Variants in UBASH3B observed in about 807,000 individuals in gnomAD.
The protein encoded by UBASH3B is ubiquitin associated and SH3 domain containing B.
A neutral mutation model predicts 83.4 loss-of-function variants in UBASH3B; 37 were observed. The observed-to-expected ratio is 0.44, with a 90% CI of 0.34 to 0.58. UBASH3B has a LOEUF of 0.58. UBASH3B is among the 20% of genes least tolerant of loss of function. The pLI, the probability that UBASH3B is intolerant of heterozygous loss-of-function variation, is 0.01. For missense variants in UBASH3B, 657 were observed against 827.2 expected, an observed-to-expected ratio of 0.79 and a Z score of 2.52; for synonymous variants, 304 against 318.3, an observed-to-expected ratio of 0.96 and a Z score of 0.48.
intron 1 of UBASH3B, among the ~76,000 whole-genome samples, chr11:122,699,344 G>A (rs985486484): frequency 2.0e-5 from 3 of 152,162 alleles, no homozygotes; most frequent in Non-Finnish European, 2.9e-5. Context: ...TGGAGTCACC[G>A]AATTGAGTTT....
intron 2 of UBASH3B, among the ~76,000 whole-genome samples, chr11:122,776,736 A>T (rs1002836483): frequency 6.6e-6 from 1 of 152,114 alleles, no homozygotes; most frequent in African/African-American, 2.4e-5. Flanking sequence ...TTGGGAAAGG[A>T]TTTGGAGTTG....
At chr11:122,658,163 G>C (rs576706699) in intron 1 of UBASH3B, among the ~76,000 whole-genome samples, 127 of 143,106 alleles carry the variant, frequency 8.9e-4, no homozygotes, top group African/African-American at 3.0e-3. Context: ...GTTACAGAGC[G>C]AGACTTCATC....
intron 1 of UBASH3B, among the ~76,000 whole-genome samples, chr11:122,698,932 C>T (rs1863998071): frequency 6.6e-6 from 1 of 152,194 alleles, no homozygotes; most frequent in Non-Finnish European, 1.5e-5. Context: ...CTCGCTGCAA[C>T]ATCCACCTCC....
chr11:122,729,009 C>T (rs1190669763), intron 1 of UBASH3B, among the ~76,000 whole-genome samples: 1 of 152,206 alleles, frequency 6.6e-6, no homozygotes, highest in Non-Finnish European at 1.5e-5. Context: ...TCGGCTCTAT[C>T]ACCCCATGCA....
chr11:122,794,353 G>A (rs113577889), intron 6 of UBASH3B, among the ~76,000 whole-genome samples: 4,068 of 152,076 alleles, frequency 0.027, 177 homozygotes, highest in African/African-American at 0.089. Flanking sequence ...CTACAGGCAC[G>A]CACAACCACG....
rs200148105 is a variant in UBASH3B at position 122,801,207 on chromosome 11, C to G, written c.1470C>G (p.His490Gln). The change falls in exon 11 of 14, where the codon CAC becomes CAG. Residue 490 changes from histidine to glutamine, a missense_variant. His to Gln is a conservative substitution (Grantham distance 24). Transcript: ENST00000284273. ...CCTAAGGTTTACAACAAGAAAATCA[C>G]TTGAAGATCCGTGTAGAGCCCGGCT... ...NILKGLQQEN[H>Q]LKIRVEPGLF... is the part of the protein sequence containing the mutation. 1.9e-6 allele frequency: 3 copies of G among 1,614,166 alleles called. No homozygotes were observed. The highest frequency in any genetic ancestry group is 2.5e-6 in the Non-Finnish European group (3 of 1,179,996).
chr11:122,690,236 T>TTA lies in UBASH3B; in HGVS notation c.161+34040_161+34041dup, dbSNP rs1211145295. Among the ~76,000 whole-genome samples the TTA allele has an allele frequency of 5.3e-4, 41 of 76,818 alleles. 1 individual carries two copies. Among genetic ancestry groups the TTA allele is most frequent in the Middle Eastern group, 7.9e-3 (1 of 126 alleles). 50.4% of individuals were successfully genotyped at this position (76,818 alleles called of 152,430 possible). On this transcript the variant is annotated intron_variant, in intron 1 of 13. Coordinates refer to ENST00000284273, the MANE Select transcript of UBASH3B (RefSeq NM_032873.5). Reference sequence around the variant, plus strand: ...CAATTATATATATATATATCCAATTTTATATATATATATATCCAATTATAT... The same window carrying TTA: ...CAATTATATATATATATATCCAATTTTATATATATATATATATCCAATTATAT...
At chr11:122,709,954 C>T (rs1462965519) in intron 1 of UBASH3B, among the ~76,000 whole-genome samples, 3 of 151,852 alleles carry the variant, frequency 2.0e-5, no homozygotes, top group African/African-American at 7.3e-5. Context: ...GCCAGGAGTT[C>T]GAGACCGCCT....
At chr11:122,802,370 A>G (rs1367313125) in intron 11 of UBASH3B, among the ~76,000 whole-genome samples, 1 of 151,898 alleles carries the variant, frequency 6.6e-6, no homozygotes, top group Non-Finnish European at 1.5e-5. Context: ...TTAACTATCA[A>G]AAGTCTACTC....
chr11:122,809,821 A>G lies in UBASH3B; in HGVS notation c.1885A>G (p.Ile629Val), dbSNP rs770344253. 3.7e-6 allele frequency: 6 copies of G among 1,614,176 alleles called. No individual in the cohort carries two copies. In the South Asian group the frequency reaches 4.4e-5, roughly 12 times the overall value. Reference protein sequence around the residue: ...TGIWQLTDPPILPLTHGPTGG... With the variant: ...TGIWQLTDPPVLPLTHGPTGG... ...AATATGGCAGCTGACAGATCCACCAATCCTTCCTCTTACCCATGGACCAAC... is the reference window on the plus strand; with the variant it reads ...AATATGGCAGCTGACAGATCCACCAGTCCTTCCTCTTACCCATGGACCAAC... The change falls in exon 14 of 14, where the codon ATC becomes GTC. Residue 629 changes from isoleucine to valine, a missense_variant. Around this residue, in one of 3 missense-constraint regions of UBASH3B, gnomAD observed 573 missense variants for 739.0 expected, o/e 0.78. Coordinates refer to ENST00000284273, the MANE Select transcript of UBASH3B (RefSeq NM_032873.5).
chr11:122,758,922 A>AG lies in UBASH3B; in HGVS notation c.162-17297_162-17296insG, dbSNP rs756941882. Among the ~76,000 whole-genome samples the AG allele has an allele frequency of 4.3e-4, 66 of 151,890 alleles. No individual in the cohort carries two copies. The highest frequency in any genetic ancestry group is 8.4e-4 in the Non-Finnish European group (57 of 67,978). On this transcript the variant is annotated intron_variant, in intron 1 of 13. Coordinates refer to ENST00000284273, the MANE Select transcript of UBASH3B (RefSeq NM_032873.5). The surrounding 1 kb of genome is among the most constrained non-coding windows in gnomAD (Gnocchi z 4.2). ...AGCCAATGCTCACTCTTCCTTTCCT[A>AG]TTTCACTCTTCCTGAAAAGCTAGGT...
chr11:122,802,313 G>GAAA (rs147011358), intron 11 of UBASH3B, among the ~76,000 whole-genome samples: 30 of 66,156 alleles, frequency 4.5e-4, no homozygotes, highest in Non-Finnish European at 6.0e-4. Flanking sequence ...GACTCTGTCT[G>GAAA]AAAAAAAAAA....
At chr11:122,661,442 C>A (rs565125981) in intron 1 of UBASH3B, among the ~76,000 whole-genome samples, 1 of 152,152 alleles carries the variant, frequency 6.6e-6, no homozygotes, top group Non-Finnish European at 1.5e-5. Context: ...CTTGGCCAAC[C>A]CAACATCTCT....
intron 1 of UBASH3B, among the ~76,000 whole-genome samples, chr11:122,709,769 A>G (rs951121741): frequency 3.9e-5 from 6 of 152,184 alleles, no homozygotes; most frequent in Non-Finnish European, 8.8e-5. Context: ...GTTCTGGAAG[A>G]GATTATCACA....
At chr11:122,776,106 G>A in intron 1 of UBASH3B, 113 bp from the exon 2 acceptor site, 1 of 916,608 alleles carries the variant, frequency 1.1e-6, no homozygotes, top group Admixed American at 2.7e-5. Flanking sequence ...CCCCACCACA[G>A]AGGATTGAGT....
At chr11:122,682,245 G>A (rs1863750626) in intron 1 of UBASH3B, among the ~76,000 whole-genome samples, 1 of 152,144 alleles carries the variant, frequency 6.6e-6, no homozygotes, top group African/African-American at 2.4e-5. Flanking sequence ...TTGACTGTGT[G>A]GATGGTACAA....
At position 122,812,824 on chromosome 11, in the gene UBASH3B, G is replaced by A. The variant is rs541606805; in HGVS notation, c.*2938G>A. 1 of 152,276 alleles carries A rather than the reference G, an allele frequency of 6.6e-6. No homozygotes were observed. The highest frequency in any genetic ancestry group is 2.1e-4 in the South Asian group (1 of 4,826). The allele number at this position is 152,276 out of a possible 1,614,324, so 9.4% of individuals were successfully genotyped here. A position where few individuals can be genotyped will look rare whatever the true frequency, so the allele number is the denominator to read the frequency against. ...TGGCACATTTTAATGCATAAGCTGG[G>A]GGTTTCATTTTCCCAGGCTCTCTTC... On this transcript the variant is annotated 3_prime_UTR_variant, in exon 14 of 14. Coordinates refer to ENST00000284273, the MANE Select transcript of UBASH3B (RefSeq NM_032873.5).
At chr11:122,656,554 C>T (rs537816732) in intron 1 of UBASH3B, among the ~76,000 whole-genome samples, 1 of 152,330 alleles carries the variant, frequency 6.6e-6, no homozygotes, top group South Asian at 2.1e-4. Context: ...GTCTCCAGCG[C>T]CGAGCGCCTA....
intron 1 of UBASH3B, among the ~76,000 whole-genome samples, chr11:122,756,420 C>T (rs1861283126): frequency 6.6e-6 from 1 of 152,210 alleles, no homozygotes. Context: ...GCAAATGTGC[C>T]TAGTACAGTG....
Sources: allele counts gnomAD v4.1 joint callset (sites outside exome capture counted in the v4.1 genomes callset), GRCh38; gene constraint gnomAD v4.1.1; regional missense constraint gnomAD v4.1.1; non-coding constraint Gnocchi (gnomAD v3.1); transcripts MANE v1.5; gene names NCBI Gene and HGNC (gene_info 2026-07-23, HGNC 2026-07-21).